Variants in DAPK1 observed in about 807,000 individuals in gnomAD.
DAPK1 encodes the protein death-associated protein kinase 1.
In DAPK1, 56 loss-of-function variants were observed where a neutral mutation model predicts 144.9. The observed-to-expected ratio is 0.39, with a 90% CI of 0.31 to 0.48. The LOEUF (loss-of-function observed/expected upper bound fraction) is 0.48. Among genes scored for constraint, DAPK1 ranks in the 20% least tolerant of loss-of-function variants. The probability of loss-of-function intolerance (pLI) is 0.95; values close to 1 mark genes in which losing one functional copy is unlikely to be tolerated. For missense variants in DAPK1, 1,454 were observed against 1,875.4 expected (o/e 0.78, Z 4.15); for synonymous variants, 690 against 749.0 (o/e 0.92, Z 1.29).
chr9:87,588,635 T>G (rs1355151346), intron 2 of DAPK1, among the ~76,000 whole-genome samples: 1 of 152,178 alleles, frequency 6.6e-6, no homozygotes, highest in Non-Finnish European at 1.5e-5. Flanking sequence ...GTAGATACTC[T>G]CTGTCACTCA....
intron 2 of DAPK1, among the ~76,000 whole-genome samples, chr9:87,579,382 C>T (rs895984946): frequency 6.6e-6 from 1 of 152,176 alleles, no homozygotes; most frequent in African/African-American, 2.4e-5. Context: ...TCCACCCTTT[C>T]ATTTAACATC....
intron 2 of DAPK1, among the ~76,000 whole-genome samples, chr9:87,570,652 C>G (rs1276778945): frequency 6.6e-6 from 1 of 152,178 alleles, no homozygotes; most frequent in Non-Finnish European, 1.5e-5. Flanking sequence ...TGGCTTAACC[C>G]AGGCGTGCAC....
intron 22 of DAPK1, among the ~76,000 whole-genome samples, chr9:87,698,184 T>A (rs1825324785): frequency 1.3e-5 from 2 of 152,196 alleles, no homozygotes; most frequent in South Asian, 4.1e-4. Context: ...TACTGCCAGT[T>A]TTGCCTCTTT....
chr9:87,685,698 G>A (rs914746906), intron 20 of DAPK1, among the ~76,000 whole-genome samples: 12 of 152,112 alleles, frequency 7.9e-5, no homozygotes, highest in East Asian at 1.9e-4. Flanking sequence ...TTCAGCTCCC[G>A]TACAACACCC....
chr9:87,693,706 T>G (rs1215181451), intron 21 of DAPK1, among the ~76,000 whole-genome samples: 1 of 152,250 alleles, frequency 6.6e-6, no homozygotes, highest in African/African-American at 2.4e-5. Context: ...CTTTTTGAAC[T>G]TGCTTTCATA....
At chr9:87,593,287 A>C (rs986200521) in intron 2 of DAPK1, among the ~76,000 whole-genome samples, 1 of 152,226 alleles carries the variant, frequency 6.6e-6, no homozygotes, top group Non-Finnish European at 1.5e-5. Context: ...TTCAGAGCAG[A>C]CTTCCCAGTG....
At chr9:87,632,827 T>C (rs1829746661) in intron 3 of DAPK1, 2 of 977,100 alleles carry the variant, frequency 2.0e-6, no homozygotes, top group Non-Finnish European at 2.4e-6. Context: ...TGAGTACATA[T>C]GTAGGTATGA....
intron 21 of DAPK1, among the ~76,000 whole-genome samples, chr9:87,696,684 A>G (rs1042930781): frequency 6.6e-6 from 1 of 152,130 alleles, no homozygotes; most frequent in African/African-American, 2.4e-5. Context: ...ATGAGAACTA[A>G]TCCACTCTCA....
chr9:87,647,737 A>G (rs1361318490), intron 14 of DAPK1, among the ~76,000 whole-genome samples: 1 of 152,246 alleles, frequency 6.6e-6, no homozygotes, highest in Admixed American at 6.5e-5. Flanking sequence ...TTGTGCTTTT[A>G]AGCGGATCTC....
intron 2 of DAPK1, among the ~76,000 whole-genome samples, chr9:87,517,399 T>A (rs1436525198): frequency 6.6e-6 from 1 of 152,084 alleles, no homozygotes; most frequent in East Asian, 1.9e-4. Flanking sequence ...TAATTCCTCA[T>A]TGACACATTC....
In DAPK1 at chr9:87,578,375, A is replaced by G. The variant is rs1160409975; in HGVS notation, c.63-26579A>G. 7.2e-5 allele frequency among the ~76,000 whole-genome samples: 11 copies of G among 152,236 alleles called. 1 individual carries two copies. Among genetic ancestry groups the G allele is most frequent in the Admixed American group, 7.2e-4 (11 of 15,288 alleles). On this transcript the variant is annotated intron_variant, in intron 2 of 25. Transcript: ENST00000408954. ...GCATCAGATTGTACTATGTAGATTT[A>G]TCATAATTAGCTCCACTGTTTTCCT...
At chr9:87,560,551 C>CT (rs1826873947) in intron 2 of DAPK1, among the ~76,000 whole-genome samples, 1 of 151,992 alleles carries the variant, frequency 6.6e-6, no homozygotes, top group South Asian at 2.1e-4. Flanking sequence ...ATTTGGACTA[C>CT]TTTAGATACC....
intron 14 of DAPK1, 110 bp downstream of exon 14, chr9:87,647,513 C>A: frequency 1.2e-6 from 1 of 846,490 alleles, no homozygotes; most frequent in East Asian, 2.5e-5. Context: ...GAATCAGGAC[C>A]AGAATTCACC....
At chr9:87,643,576 G>T in intron 11 of DAPK1, 108 bp downstream of exon 11, 1 of 742,030 alleles carries the variant, frequency 1.3e-6, no homozygotes, top group South Asian at 1.8e-5. Flanking sequence ...TGTGGAAATG[G>T]CAAGCTTATT....
At chr9:87,522,623 A>G (rs1825340531) in intron 2 of DAPK1, among the ~76,000 whole-genome samples, 1 of 152,230 alleles carries the variant, frequency 6.6e-6, no homozygotes, top group Non-Finnish European at 1.5e-5. Context: ...GATGTACAAA[A>G]TGTTGAAGCT....
rs1827801457 is a variant in DAPK1 at position 87,582,901 on chromosome 9, A to C, written c.63-22053A>C. Among the ~76,000 whole-genome samples, 7 of 151,948 alleles carry C rather than the reference A, an allele frequency of 4.6e-5. No homozygotes were observed. The South Asian group carries it at 1.5e-3, about 31-fold the overall frequency. ...TCACTGTACCATAAAAGACCTTGAG[A>C]TACTGGGTGATCAGAACCACAGGAG... On this transcript the variant is annotated intron_variant, in intron 2 of 25. Transcript: ENST00000408954.
chr9:87,568,113 CA>C (rs1210182504), intron 2 of DAPK1, among the ~76,000 whole-genome samples: 2 of 152,162 alleles, frequency 1.3e-5, no homozygotes, highest in Non-Finnish European at 2.9e-5. Flanking sequence ...CTGCAGACAG[CA>C]GTGAGGAGGA....
intron 19 of DAPK1, among the ~76,000 whole-genome samples, chr9:87,669,491 T>G (rs1831179030): frequency 6.6e-6 from 1 of 152,266 alleles, no homozygotes; most frequent in Non-Finnish European, 1.5e-5. Flanking sequence ...TAAACATTAG[T>G]GTATTTTAAA....
chr9:87,707,010 G>C lies in DAPK1; in HGVS notation c.3939G>C (p.Leu1313=). ...SDLNLLTRRK[L]SRLLDPPDPL... ...TGAACCTCCTCACTCGGAGGAAACT[G>C]AGTCGCCTGCTGGACCCGCCCGACC... The change falls in exon 26 of 26, where the codon CTG becomes CTC. Residue 1313 remains leucine, a synonymous_variant. Transcript: ENST00000408954. The surrounding 1 kb of genome is among the most constrained non-coding windows in gnomAD (Gnocchi z 4.0). The C allele has an allele frequency of 6.2e-7, 1 of 1,613,638 alleles. No individual in the cohort carries two copies.
Sources: allele counts gnomAD v4.1 joint callset (sites outside exome capture counted in the v4.1 genomes callset), GRCh38; gene constraint gnomAD v4.1.1; non-coding constraint Gnocchi (gnomAD v3.1); transcripts MANE v1.5; gene names NCBI Gene and HGNC (gene_info 2026-07-23, HGNC 2026-07-21).